Variants in EVI5 observed in about 807,000 individuals in gnomAD.
EVI5 encodes ecotropic viral integration site 5, also known as ecotropic viral integration site 5 protein homolog.
EVI5 carries 73 observed loss-of-function variants against 112.0 expected under a neutral mutation model. The observed-to-expected ratio is 0.65, with a 90% CI of 0.54 to 0.79. The LOEUF (loss-of-function observed/expected upper bound fraction) is 0.79, where lower values mean the gene tolerates loss of function less well. Ranked by LOEUF, EVI5 falls within the 30% of genes least tolerant of loss-of-function variation. The probability of loss-of-function intolerance (pLI) is 0.00; values close to 1 mark genes in which losing one functional copy is unlikely to be tolerated. For missense variants in EVI5, 900 were observed against 968.8 expected, an observed-to-expected ratio of 0.93 and a Z score of 0.94; for synonymous variants, 305 against 319.9, an observed-to-expected ratio of 0.95 and a Z score of 0.50.
chr1:92,757,732 T>C (rs1298256095), intron 1 of EVI5, among the ~76,000 whole-genome samples: 1 of 151,514 alleles, frequency 6.6e-6, no homozygotes, highest in African/African-American at 2.4e-5. Context: ...CAAAACCCCG[T>C]CTCTATTAAA....
intron 19 of EVI5, among the ~76,000 whole-genome samples, chr1:92,519,896 T>TAA (rs371959112): frequency 5.4e-4 from 64 of 119,036 alleles, no homozygotes; most frequent in Middle Eastern, 4.3e-3. Context: ...ACTCTGTCTT[T>TAA]AAAAAAAAAA....
intron 11 of EVI5, 54 bp from the exon 12 acceptor site, chr1:92,663,506 A>C (rs1191361594): frequency 1.1e-6 from 1 of 906,286 alleles, no homozygotes; most frequent in African/African-American, 1.7e-5. Context: ...AAAAGTGATA[A>C]AATTAGGAAA....
chr1:92,684,644 T>C (rs557687994), intron 9 of EVI5, among the ~76,000 whole-genome samples: 1 of 152,092 alleles, frequency 6.6e-6, no homozygotes, highest in African/African-American at 2.4e-5. Context: ...CAGTGTGCTG[T>C]ATTCAGGAGA....
chr1:92,619,606 A>G (rs1462397042), intron 16 of EVI5, among the ~76,000 whole-genome samples: 2 of 152,022 alleles, frequency 1.3e-5, no homozygotes, highest in East Asian at 3.9e-4. Context: ...AGAAAAATGA[A>G]AACTATGAGT....
intron 19 of EVI5, among the ~76,000 whole-genome samples, chr1:92,518,196 C>T (rs1660279725): frequency 1.3e-5 from 2 of 152,132 alleles, no homozygotes; most frequent in Admixed American, 6.5e-5. Flanking sequence ...TCATGACTGG[C>T]AAAGCATATG....
intron 4 of EVI5, 93 bp downstream of exon 4, chr1:92,703,302 T>C (rs954747317): frequency 4.1e-6 from 3 of 737,920 alleles, no homozygotes; most frequent in Non-Finnish European, 6.5e-6. Context: ...AACTGATTAT[T>C]GTGGTGGGAG....
chr1:92,782,048 C>T (rs959925480), intron 1 of EVI5, among the ~76,000 whole-genome samples: 1 of 148,172 alleles, frequency 6.7e-6, no homozygotes, highest in Non-Finnish European at 1.5e-5. Context: ...ATCATGAGGT[C>T]AAGAAATCAA....
At chr1:92,596,206 C>T (rs1010290806) in intron 18 of EVI5, among the ~76,000 whole-genome samples, 7 of 151,888 alleles carry the variant, frequency 4.6e-5, no homozygotes, top group African/African-American at 1.7e-4. Flanking sequence ...AAAAAAAATA[C>T]AAAAATTAGC....
chr1:92,532,546 C>A (rs1663053060), intron 19 of EVI5, among the ~76,000 whole-genome samples: 1 of 152,156 alleles, frequency 6.6e-6, no homozygotes, highest in African/African-American at 2.4e-5. Flanking sequence ...TAAAACACTC[C>A]TCAGCAAATG....
chr1:92,604,472 G>A (rs1412829377), intron 18 of EVI5, among the ~76,000 whole-genome samples: 1 of 152,130 alleles, frequency 6.6e-6, no homozygotes, highest in Non-Finnish European at 1.5e-5. Flanking sequence ...CCACTGGAAG[G>A]TCTTCAGGGA....
At chr1:92,640,742 A>G (rs915321253) in intron 13 of EVI5, among the ~76,000 whole-genome samples, 1 of 152,216 alleles carries the variant, frequency 6.6e-6, no homozygotes, top group Non-Finnish European at 1.5e-5. Context: ...TATACCCAAA[A>G]GAATACAAAT....
At chr1:92,648,686 C>T (rs1415418774) in intron 13 of EVI5, among the ~76,000 whole-genome samples, 11 of 152,164 alleles carry the variant, frequency 7.2e-5, no homozygotes, top group Non-Finnish European at 4.4e-5. Flanking sequence ...GGAAGTTTAT[C>T]TACTTTATAC....
At chr1:92,565,707 G>A (rs1177342134) in intron 18 of EVI5, among the ~76,000 whole-genome samples, 7 of 151,978 alleles carry the variant, frequency 4.6e-5, no homozygotes, top group Non-Finnish European at 8.8e-5. Flanking sequence ...GGTGGCTCAT[G>A]CCTGTAATCC....
chr1:92,681,799 C>T (rs142557331), intron 9 of EVI5, among the ~76,000 whole-genome samples: 9 of 152,268 alleles, frequency 5.9e-5, no homozygotes, highest in Admixed American at 1.3e-4. Context: ...CTAATTAGCA[C>T]TTGAAATATA....
rs898570194 is a variant in EVI5, at chr1:92,663,485, G to C, written c.1213-33C>G. ...AGGAAAAATTCAGATAGAAATATAA[G>C]AGAAAGAAATAAAAGTGATAAAATT... is the stretch of plus-strand genomic sequence containing the variant. On this transcript the variant is annotated intron_variant, in intron 11 of 19. Coordinates refer to ENST00000684568, the MANE Select transcript of EVI5 (RefSeq NM_001350197.2). The C allele has an allele frequency of 1.0e-5, 12 of 1,151,854 alleles. No homozygotes were observed. The African/African-American group carries it at 1.4e-4, about 14-fold the overall frequency. 71.4% of individuals were successfully genotyped at this position (1,151,854 alleles called of 1,614,324 possible).
chr1:92,741,903 A>G (rs967205298), intron 1 of EVI5, among the ~76,000 whole-genome samples: 1 of 152,194 alleles, frequency 6.6e-6, no homozygotes, highest in Non-Finnish European at 1.5e-5. Context: ...CTTCATGACA[A>G]TGATTTGGCA....
chr1:92,541,513 G>A (rs1664800910), intron 19 of EVI5, among the ~76,000 whole-genome samples: 1 of 152,152 alleles, frequency 6.6e-6, no homozygotes, highest in African/African-American at 2.4e-5. Flanking sequence ...CACAGCTGGT[G>A]GGAATGTAAA....
chr1:92,708,536 T>A (rs555706722), intron 2 of EVI5, among the ~76,000 whole-genome samples: 1 of 152,082 alleles, frequency 6.6e-6, no homozygotes, highest in African/African-American at 2.4e-5. Flanking sequence ...GAATGTAAAA[T>A]GGTACAAGCA....
At chr1:92,771,066 T>C (rs962167524) in intron 1 of EVI5, among the ~76,000 whole-genome samples, 1 of 151,850 alleles carries the variant, frequency 6.6e-6, no homozygotes, top group Non-Finnish European at 1.5e-5. Context: ...TCCACCCACC[T>C]CGGCCTCCCA....
Sources: gnomAD v4.1 joint callset for allele counts (sites outside exome capture counted in the v4.1 genomes callset) on GRCh38, gnomAD v4.1.1 for gene constraint, MANE v1.5 for transcripts, NCBI Gene and HGNC (gene_info 2026-07-23, HGNC 2026-07-21) for gene names.